GKAP1: variants seen among roughly 807,000 people sequenced by gnomAD.
GKAP1 encodes the protein G kinase anchoring protein 1, also known as G kinase-anchoring protein 1.
Under a neutral mutation model 56.7 loss-of-function variants are expected in GKAP1, and 31 were observed. The observed-to-expected ratio is 0.55, with a 90% CI of 0.41 to 0.74. GKAP1 has a LOEUF of 0.74. Among genes scored for constraint, GKAP1 ranks in the 30% least tolerant of loss-of-function variants. The pLI, the probability that GKAP1 is intolerant of heterozygous loss-of-function variation, is 0.00. For synonymous variants in GKAP1, 151 were observed against 138.6 expected, an observed-to-expected ratio of 1.09 and a Z score of -0.63; for missense variants, 364 against 402.3, an observed-to-expected ratio of 0.90 and a Z score of 0.82.
chr9:83,780,521 A>T (rs1943953750), intron 6 of GKAP1, 117 bp from the exon 7 acceptor site: 3 of 545,262 alleles, frequency 5.5e-6, no homozygotes, highest in Non-Finnish European at 9.7e-6. Context: ...CCTATGAGTT[A>T]TAGAAGTCAT....
chr9:83,811,588 T>C (rs762557703), intron 2 of GKAP1, among the ~76,000 whole-genome samples: 1 of 152,180 alleles, frequency 6.6e-6, no homozygotes, highest in Non-Finnish European at 1.5e-5. Context: ...GTAAAGCAGC[T>C]ACCTGTGCTA....
At chr9:83,760,325 T>C (rs1309804051) in intron 8 of GKAP1, among the ~76,000 whole-genome samples, 1 of 152,146 alleles carries the variant, frequency 6.6e-6, no homozygotes, top group African/African-American at 2.4e-5. Flanking sequence ...ATAACAATTT[T>C]AAATACATAT....
chr9:83,810,123 A>T (rs1944487786), intron 2 of GKAP1, among the ~76,000 whole-genome samples: 1 of 152,282 alleles, frequency 6.6e-6, no homozygotes, highest in African/African-American at 2.4e-5. Context: ...AAATCCTTTC[A>T]TTTTTATCGC....
intron 6 of GKAP1, among the ~76,000 whole-genome samples, chr9:83,783,876 T>C (rs1236501593): frequency 1.3e-5 from 2 of 152,246 alleles, no homozygotes; most frequent in African/African-American, 4.8e-5. Flanking sequence ...ACTAAAGTTT[T>C]ATGGGGTTTT....
chr9:83,750,156 T>C (rs979556351), intron 9 of GKAP1, among the ~76,000 whole-genome samples: 1 of 133,662 alleles, frequency 7.5e-6, no homozygotes, highest in Non-Finnish European at 1.7e-5. Context: ...AAGCAAAAAT[T>C]GCAAATGAGC....
chr9:83,804,994 C>T (rs1196761343), intron 3 of GKAP1, among the ~76,000 whole-genome samples: 4 of 152,016 alleles, frequency 2.6e-5, no homozygotes, highest in Admixed American at 6.5e-5. Context: ...GAGAACGGGC[C>T]GGGATGACAA....
At chr9:83,800,626 G>A (rs1015209421) in intron 3 of GKAP1, among the ~76,000 whole-genome samples, 1 of 152,052 alleles carries the variant, frequency 6.6e-6, no homozygotes, top group African/African-American at 2.4e-5. Context: ...GTGAGCCACC[G>A]CGCCCGGCCC....
At chr9:83,748,447 G>T in intron 9 of GKAP1, 75 bp from the exon 10 acceptor site, 1 of 812,186 alleles carries the variant, frequency 1.2e-6, no homozygotes. Context: ...TCAACTTACA[G>T]AGCTCTGAAT....
intron 11 of GKAP1, 52 bp downstream of exon 11, chr9:83,742,476 CAA>C: frequency 8.6e-7 from 1 of 1,162,510 alleles, no homozygotes; most frequent in Non-Finnish European, 1.3e-6. Flanking sequence ...TTTAATAATT[CAA>C]GACTAAAGAC....
intron 3 of GKAP1, among the ~76,000 whole-genome samples, chr9:83,802,223 G>A (rs934414135): frequency 6.6e-6 from 1 of 152,142 alleles, no homozygotes; most frequent in African/African-American, 2.4e-5. Context: ...GCTCACACCT[G>A]CAATCCCAGT....
At chr9:83,809,180 T>C (rs1015131286) in intron 2 of GKAP1, among the ~76,000 whole-genome samples, 4 of 152,230 alleles carry the variant, frequency 2.6e-5, no homozygotes, top group African/African-American at 9.6e-5. Context: ...TGTTCATAAA[T>C]GTCTATTCTG....
chr9:83,788,981 G>T (rs1191165892), intron 4 of GKAP1: 1 of 197,638 alleles, frequency 5.1e-6, no homozygotes, highest in Non-Finnish European at 1.0e-5. Flanking sequence ...TATAATAGAT[G>T]TCAAAGGCAA....
chr9:83,768,577 T>C (rs1186808217), intron 8 of GKAP1, among the ~76,000 whole-genome samples: 1 of 152,214 alleles, frequency 6.6e-6, no homozygotes, highest in Non-Finnish European at 1.5e-5. Flanking sequence ...TACGAGTGCC[T>C]AACAGTACAT....
intron 7 of GKAP1, among the ~76,000 whole-genome samples, chr9:83,771,926 C>T (rs1182119946): frequency 6.6e-6 from 1 of 151,958 alleles, no homozygotes; most frequent in East Asian, 1.9e-4. Context: ...CTCCCATTAC[C>T]ATCACATCAT....
intron 8 of GKAP1, among the ~76,000 whole-genome samples, chr9:83,765,543 C>G (rs1943648268): frequency 6.6e-6 from 1 of 152,230 alleles, no homozygotes; most frequent in African/African-American, 2.4e-5. Flanking sequence ...ACACTCAATG[C>G]CAGCCGTGAA....
At chr9:83,802,394 G>A (rs1233895309) in intron 3 of GKAP1, among the ~76,000 whole-genome samples, 2 of 148,968 alleles carry the variant, frequency 1.3e-5, no homozygotes, top group African/African-American at 5.0e-5. Context: ...CAGAAGAACT[G>A]CTTGAACCTG....
In GKAP1 at chr9:83,795,588, CTT is replaced by C. The variant is rs58291258; in HGVS notation, c.360+3595_360+3596del. Among the ~76,000 whole-genome samples the C allele has an allele frequency of 6.7e-3, 725 of 109,016 alleles. 6 individuals are homozygous for C. Among genetic ancestry groups the C allele is most frequent in the Non-Finnish European group, 8.8e-3 (503 of 56,892 alleles). 71.5% of individuals were successfully genotyped at this position (109,016 alleles called of 152,430 possible). On this transcript the variant is annotated intron_variant, in intron 4 of 12. Transcript: ENST00000376371. The stretch of plus-strand genomic sequence containing the variant: ...CAGTTATGGTTATGTCTGAGAGTGT[CTT>C]TTTTTTTTTTTTTTTTTTTGAGATA...
chr9:83,795,448 T>G (rs1258189997), intron 4 of GKAP1, among the ~76,000 whole-genome samples: 2 of 152,166 alleles, frequency 1.3e-5, no homozygotes, highest in Non-Finnish European at 2.9e-5. Context: ...CTAGCTTAAA[T>G]ACTCACCACT....
chr9:83,779,476 T>TACACAC (rs1564201519), intron 7 of GKAP1, among the ~76,000 whole-genome samples: 1 of 51,962 alleles, frequency 1.9e-5, no homozygotes, highest in African/African-American at 4.3e-5. Context: ...CACATATACA[T>TACACAC]ATACATACAT....
Sources: allele counts gnomAD v4.1 joint callset (sites outside exome capture counted in the v4.1 genomes callset), GRCh38; gene constraint gnomAD v4.1.1; transcripts MANE v1.5; gene names NCBI Gene and HGNC (gene_info 2026-07-23, HGNC 2026-07-21).